The following SYN3 variants were observed in gnomAD, a reference collection of about 807,000 sequenced individuals.
SYN3 encodes the protein synapsin-3.
In SYN3, 35 loss-of-function variants were observed where a neutral mutation model predicts 65.8. The observed-to-expected ratio is 0.53, with a 90% confidence interval of 0.41 to 0.70. SYN3 has a LOEUF of 0.70. Among genes scored for constraint, SYN3 ranks in the 30% least tolerant of loss-of-function variants. The pLI is 0.00. For missense variants in SYN3, 680 were observed against 749.0 expected (o/e 0.91, Z 1.08); for synonymous variants, 270 against 292.9 (o/e 0.92, Z 0.80).
chr22:32,601,084 T>C (rs1188422423), intron 6 of SYN3, among the ~76,000 whole-genome samples: 2 of 152,200 alleles, frequency 1.3e-5, no homozygotes, highest in Non-Finnish European at 2.9e-5. Flanking sequence ...GGTTCTTAAA[T>C]GAAATTGGAG....
chr22:32,777,996 C>G (rs1360580077), intron 6 of SYN3, among the ~76,000 whole-genome samples: 1 of 152,190 alleles, frequency 6.6e-6, no homozygotes, highest in Admixed American at 6.5e-5. Flanking sequence ...AGAAACACTA[C>G]ATTATTGCTA....
chr22:32,876,271 G>A (rs1462151259), intron 4 of SYN3, among the ~76,000 whole-genome samples: 1 of 152,094 alleles, frequency 6.6e-6, no homozygotes, highest in Admixed American at 6.5e-5. Flanking sequence ...CATTAGGGCT[G>A]ATGACTTCAT....
intron 6 of SYN3, among the ~76,000 whole-genome samples, chr22:32,737,600 A>G (rs958069193): frequency 1.3e-5 from 2 of 152,182 alleles, no homozygotes; most frequent in East Asian, 3.9e-4. Context: ...TTTGCTGAGA[A>G]TGATGGTTTC....
intron 6 of SYN3, among the ~76,000 whole-genome samples, chr22:32,682,164 GT>G (rs1195164986): frequency 6.6e-6 from 1 of 152,110 alleles, no homozygotes; most frequent in Non-Finnish European, 1.5e-5. Flanking sequence ...GACATTTTTG[GT>G]TGTCACAACT....
Position 32,509,933 on chromosome 22 carries a change from G to A in SYN3, c.*3759C>T, listed in dbSNP as rs1468848612. ...TGTTATGTCATGGATCTGGATATAT[G>A]AGTATGGTTATAAAAATCAGGATGC... On this transcript the variant is annotated 3_prime_UTR_variant, in exon 14 of 14. Transcript: ENST00000358763. Among the ~76,000 whole-genome samples the A allele has an allele frequency of 6.6e-6, 1 of 152,150 alleles. No homozygotes were observed. Among genetic ancestry groups the A allele is most frequent in the Non-Finnish European group, 1.5e-5 (1 of 68,026 alleles).
chr22:32,995,378 G>A (rs938721799), intron 2 of SYN3, among the ~76,000 whole-genome samples: 2 of 152,164 alleles, frequency 1.3e-5, no homozygotes, highest in Non-Finnish European at 2.9e-5. Flanking sequence ...TCATTTTGTA[G>A]TATAAGTCTC....
At chr22:32,865,670 C>T (rs969345547) in intron 5 of SYN3, among the ~76,000 whole-genome samples, 5 of 152,220 alleles carry the variant, frequency 3.3e-5, no homozygotes, top group South Asian at 4.1e-4. Flanking sequence ...CTGCTCTCCT[C>T]CTGCTTCAAC....
At chr22:32,999,972 A>C (rs2053010480) in intron 2 of SYN3, among the ~76,000 whole-genome samples, 1 of 152,202 alleles carries the variant, frequency 6.6e-6, no homozygotes, top group Non-Finnish European at 1.5e-5. Flanking sequence ...AAGCTGCTGG[A>C]AAATTCTAGG....
intron 1 of SYN3, among the ~76,000 whole-genome samples, chr22:33,019,522 T>C (rs1455740021): frequency 6.6e-6 from 1 of 152,214 alleles, no homozygotes; most frequent in Non-Finnish European, 1.5e-5. Flanking sequence ...TAACGGCTAC[T>C]TTACAAATTG....
intron 6 of SYN3, among the ~76,000 whole-genome samples, chr22:32,723,845 G>C (rs943629505): frequency 6.6e-6 from 1 of 152,260 alleles, no homozygotes; most frequent in Non-Finnish European, 1.5e-5. Flanking sequence ...GAGGCCCCAG[G>C]GATAGGGGAG....
In SYN3 at chr22:32,714,397, G is replaced by T. The variant is rs73156417; in HGVS notation, c.712-117661C>A. Among the ~76,000 whole-genome samples the T allele has an allele frequency of 4.0e-3, 602 of 152,232 alleles. 3 individuals are homozygous for T. The highest frequency in any genetic ancestry group is 0.011 in the African/African-American group (441 of 41,528). ...GGACCCTTTCATAACAATTTCAGTG[G>T]TTCTCAACCCTGGCTGCAGGTTAGA... On this transcript the variant is annotated intron_variant, in intron 6 of 13. Transcript: ENST00000358763.
At chr22:32,840,653 C>A (rs533420117) in intron 6 of SYN3, among the ~76,000 whole-genome samples, 1 of 152,162 alleles carries the variant, frequency 6.6e-6, no homozygotes, top group South Asian at 2.1e-4. Flanking sequence ...CTCCGCCCCC[C>A]ACCCAGATCA....
chr22:32,703,623 G>A (rs2147211535), intron 6 of SYN3, among the ~76,000 whole-genome samples: 1 of 150,706 alleles, frequency 6.6e-6, no homozygotes, highest in East Asian at 2.0e-4. Flanking sequence ...GGTGACAGAG[G>A]GAGACTCCAT....
chr22:32,709,161 G>T (rs1040026652), intron 6 of SYN3, among the ~76,000 whole-genome samples: 7 of 152,224 alleles, frequency 4.6e-5, no homozygotes, highest in African/African-American at 1.7e-4. Flanking sequence ...GGGGGAAAAT[G>T]ACCTCTTGCA....
At chr22:32,765,349 C>G (rs187956385) in intron 6 of SYN3, among the ~76,000 whole-genome samples, 33 of 152,288 alleles carry the variant, frequency 2.2e-4, no homozygotes, top group African/African-American at 7.7e-4. Context: ...GCCCTGGGGT[C>G]TCTGCAGCTT....
chr22:32,921,098 A>G (rs554767330), intron 4 of SYN3, among the ~76,000 whole-genome samples: 2 of 152,208 alleles, frequency 1.3e-5, no homozygotes, highest in African/African-American at 4.8e-5. Context: ...ACACTCCTCC[A>G]TAAGTTGCCC....
intron 4 of SYN3, 135 bp from the exon 5 acceptor site, chr22:32,869,260 A>T: frequency 5.2e-6 from 4 of 763,492 alleles, no homozygotes; most frequent in East Asian, 3.4e-5. Context: ...CAGGTGGGGG[A>T]TGAGGGCAGT....
chr22:32,926,151 C>G (rs183210798), intron 4 of SYN3, among the ~76,000 whole-genome samples: 1 of 152,218 alleles, frequency 6.6e-6, no homozygotes, highest in African/African-American at 2.4e-5. Context: ...TGTGCCCAGC[C>G]GGGATAGATG....
intron 7 of SYN3, among the ~76,000 whole-genome samples, chr22:32,578,204 CTTTCTT>C: frequency 6.6e-6 from 1 of 151,460 alleles, no homozygotes; most frequent in East Asian, 1.9e-4. Flanking sequence ...CTTTCTCTCT[CTTTCTT>C]TTTCTTTCTT....
Sources: gnomAD v4.1 joint callset for allele counts (sites outside exome capture counted in the v4.1 genomes callset) on GRCh38, gnomAD v4.1.1 for gene constraint, MANE v1.5 for transcripts, NCBI Gene and HGNC (gene_info 2026-07-23, HGNC 2026-07-21) for gene names.